The following FAM110B variants were observed in gnomAD, a reference collection of about 807,000 sequenced individuals.
FAM110B encodes family with sequence similarity 110 member B.
A neutral mutation model predicts 20.4 loss-of-function variants in FAM110B; 6 were observed. That is an observed-to-expected ratio of 0.29 (90% CI 0.16 to 0.58). The LOEUF is 0.58. FAM110B is among the 20% of genes least tolerant of loss of function. The probability of loss-of-function intolerance (pLI) is 0.90; values close to 1 mark genes in which losing one functional copy is unlikely to be tolerated. For missense variants in FAM110B, 434 were observed against 498.2 expected, an observed-to-expected ratio of 0.87 and a Z score of 1.23; for synonymous variants, 226 against 214.1, an observed-to-expected ratio of 1.06 and a Z score of -0.49.
chr8:58,011,293 G>T (rs1160280866), intron 1 of FAM110B, among the ~76,000 whole-genome samples: 5 of 152,132 alleles, frequency 3.3e-5, no homozygotes, highest in Non-Finnish European at 7.4e-5. Flanking sequence ...AACAGTAGGA[G>T]TTATCAAACC....
At chr8:58,017,342 C>T (rs571498619) in intron 1 of FAM110B, among the ~76,000 whole-genome samples, 2 of 152,174 alleles carry the variant, frequency 1.3e-5, no homozygotes, top group Non-Finnish European at 2.9e-5. Context: ...AGCAGGGCTA[C>T]ATCTGTGTGA....
intron 1 of FAM110B, among the ~76,000 whole-genome samples, chr8:57,996,570 G>T (rs933787529): frequency 6.6e-6 from 1 of 152,196 alleles, no homozygotes; most frequent in African/African-American, 2.4e-5. Context: ...CAAGACATCA[G>T]TCTTGAACCC....
intron 3 of FAM110B, among the ~76,000 whole-genome samples, chr8:58,133,824 G>C (rs187903799): frequency 1.3e-5 from 2 of 152,234 alleles, no homozygotes; most frequent in Admixed American, 1.3e-4. Context: ...TGGAGCCCAC[G>C]TCTGCTGCTT....
intron 3 of FAM110B, among the ~76,000 whole-genome samples, chr8:58,116,092 G>A (rs35786251): frequency 0.12 from 18,005 of 152,160 alleles, 1,177 homozygotes; most frequent in Middle Eastern, 0.18. Context: ...ACATACATAC[G>A]TACATACATA....
rs1176005441 is a variant in FAM110B at position 58,148,414 on chromosome 8, G to T, written c.*1071G>T. Reference sequence around the variant, plus strand: ...TGTCTTGCATATGTTATTCTCTCAGGCTGTGGATCTTTGTTACAGCTCTAG... The same window carrying T: ...TGTCTTGCATATGTTATTCTCTCAGTCTGTGGATCTTTGTTACAGCTCTAG... On this transcript the variant is annotated 3_prime_UTR_variant, in exon 4 of 4. Coordinates refer to ENST00000519262, the MANE Select transcript of FAM110B (RefSeq NM_001377989.1). The T allele has an allele frequency of 1.8e-5, 3 of 167,018 alleles. No homozygotes were observed. Among genetic ancestry groups the T allele is most frequent in the Admixed American group, 1.3e-4 (2 of 15,290 alleles). The allele number at this position is 167,018 out of a possible 1,614,324, so 10.3% of individuals were successfully genotyped here.
intron 1 of FAM110B, among the ~76,000 whole-genome samples, chr8:57,995,400 C>G (rs925073284): frequency 1.3e-5 from 2 of 152,198 alleles, no homozygotes; most frequent in Admixed American, 6.5e-5. Flanking sequence ...CCCTCCAGCT[C>G]CTCCCGTGGC....
intron 3 of FAM110B, among the ~76,000 whole-genome samples, chr8:58,086,213 A>G (rs1806330498): frequency 6.6e-6 from 1 of 152,236 alleles, no homozygotes; most frequent in Non-Finnish European, 1.5e-5. Flanking sequence ...CTTTGAGAGC[A>G]TCTCTCTTAC....
At chr8:58,012,259 A>AT (rs35474363) in intron 1 of FAM110B, among the ~76,000 whole-genome samples, 6,364 of 150,828 alleles carry the variant, frequency 0.042, 220 homozygotes, top group Non-Finnish European at 0.052. Flanking sequence ...TGTTTTCCTG[A>AT]TTTTTTTTTG....
chr8:58,083,600 G>C lies in FAM110B; in HGVS notation c.-325+7977G>C, dbSNP rs147359141. ...CACGTTCACTACTTGTGTTAATTCCGCTATTTCGGGGAAGTGGCACCTTTA... is the reference window on the plus strand; with the variant it reads ...CACGTTCACTACTTGTGTTAATTCCCCTATTTCGGGGAAGTGGCACCTTTA... On this transcript the variant is annotated intron_variant, in intron 3 of 3. Transcript: ENST00000519262. Among the ~76,000 whole-genome samples the C allele has an allele frequency of 6.9e-3, 1,054 of 152,154 alleles. 4 individuals are homozygous for C. Among genetic ancestry groups the C allele is most frequent in the Non-Finnish European group, 0.01 (713 of 68,010 alleles).
chr8:58,121,956 C>T (rs1243392040), intron 3 of FAM110B, among the ~76,000 whole-genome samples: 2 of 152,140 alleles, frequency 1.3e-5, no homozygotes, highest in Non-Finnish European at 2.9e-5. Context: ...TCTTGGATCT[C>T]ATATCTCTTT....
At chr8:58,031,550 T>G (rs1303862869) in intron 1 of FAM110B, 56 bp from the exon 2 acceptor site, 1 of 152,222 alleles carries the variant, frequency 6.6e-6, no homozygotes, top group Non-Finnish European at 1.5e-5. Context: ...GAATGATACC[T>G]TTTAATCACT....
rs576193134 is a variant in FAM110B, at chr8:58,139,204, G to T, written c.-324-6703G>T. Among the ~76,000 whole-genome samples, 4 of 152,328 alleles carry T rather than the reference G, an allele frequency of 2.6e-5. No individual in the cohort carries two copies. The East Asian group carries it at 7.7e-4, about 29-fold the overall frequency. On this transcript the variant is annotated intron_variant, in intron 3 of 3. Coordinates refer to ENST00000519262, the MANE Select transcript of FAM110B (RefSeq NM_001377989.1). ...AGAAGTTTAAATATTATTAGGAAAA[G>T]TCTGTGGTTTTAAAGAATTTATAAC...
chr8:58,047,525 G>T (rs902092478), intron 2 of FAM110B, among the ~76,000 whole-genome samples: 1 of 150,994 alleles, frequency 6.6e-6, no homozygotes, highest in Non-Finnish European at 1.5e-5. Flanking sequence ...TACATCTGGG[G>T]TGTAGTTCCA....
chr8:58,033,505 C>A (rs1290095086), intron 2 of FAM110B, among the ~76,000 whole-genome samples: 1 of 152,126 alleles, frequency 6.6e-6, no homozygotes, highest in Non-Finnish European at 1.5e-5. Flanking sequence ...AATTTACATT[C>A]CCACCAACAG....
chr8:58,070,793 G>A (rs1053800050), intron 2 of FAM110B, among the ~76,000 whole-genome samples: 1 of 152,216 alleles, frequency 6.6e-6, no homozygotes, highest in Non-Finnish European at 1.5e-5. Context: ...TTAGGACAGG[G>A]CAGTGACTTT....
intron 3 of FAM110B, among the ~76,000 whole-genome samples, chr8:58,085,036 C>A (rs1271429879): frequency 6.6e-6 from 1 of 152,082 alleles, no homozygotes; most frequent in Non-Finnish European, 1.5e-5. Flanking sequence ...TAGGGATTGA[C>A]GCATCACTCT....
At chr8:58,017,633 C>G (rs547328966) in intron 1 of FAM110B, among the ~76,000 whole-genome samples, 2 of 152,286 alleles carry the variant, frequency 1.3e-5, no homozygotes, top group African/African-American at 2.4e-5. Context: ...TTGGAAAATT[C>G]TGAGTGACAT....
At chr8:58,062,316 C>A (rs1805673535) in intron 2 of FAM110B, among the ~76,000 whole-genome samples, 1 of 152,206 alleles carries the variant, frequency 6.6e-6, no homozygotes, top group Middle Eastern at 3.4e-3. Context: ...TGGGGGTGAT[C>A]GTTTTCAACA....
At position 58,146,538 on chromosome 8, in the gene FAM110B, A is replaced by T; in HGVS notation, c.308A>T (p.Asn103Ile). ...LGSPTLKVFG[N>I]HAKTESGVQR... is the part of the protein sequence containing the mutation. ...AGCCCCACGCTCAAAGTGTTCGGCA[A>T]CCACGCCAAGACCGAGAGCGGCGTG... Residue 103 changes from asparagine to isoleucine, a missense_variant, in exon 4 of 4, where the codon AAC (asparagine) becomes ATC (isoleucine). Transcript: ENST00000519262. 6.2e-7 allele frequency: 1 copy of T among 1,614,006 alleles called. No homozygotes were observed. The highest frequency in any genetic ancestry group is 1.1e-5 in the South Asian group (1 of 91,088).
Sources: gnomAD v4.1 joint callset for allele counts (sites outside exome capture counted in the v4.1 genomes callset) on GRCh38, gnomAD v4.1.1 for gene constraint, MANE v1.5 for transcripts, NCBI Gene and HGNC (gene_info 2026-07-23, HGNC 2026-07-21) for gene names.